Variants in NUDCD3 observed in about 807,000 individuals in gnomAD.
NUDCD3 encodes the protein NudC domain containing 3, also known as nudC domain-containing protein 3.
Under a neutral mutation model 39.7 loss-of-function variants are expected in NUDCD3, and 13 were observed. The ratio of observed to expected loss-of-function variants is 0.33; its 90% CI spans 0.21 to 0.52. NUDCD3 has a LOEUF of 0.52. NUDCD3 is among the 20% of genes least tolerant of loss of function. The probability of loss-of-function intolerance (pLI) is 0.96; values close to 1 mark genes in which losing one functional copy is unlikely to be tolerated. For synonymous variants in NUDCD3, 175 were observed against 172.4 expected (o/e 1.02, Z -0.12); for missense variants, 453 against 458.1 (o/e 0.99, Z 0.10).
intron 1 of NUDCD3, 66 bp downstream of exon 1, chr7:44,490,343 C>G: frequency 7.2e-7 from 1 of 1,392,120 alleles, no homozygotes. Context: ...CTTGGAGGAG[C>G]GGGCGCCAGG....
intron 2 of NUDCD3, among the ~76,000 whole-genome samples, chr7:44,465,770 A>G (rs763261705): frequency 1.5e-4 from 23 of 152,314 alleles, no homozygotes; most frequent in East Asian, 1.4e-3. Context: ...GAAGACCACC[A>G]AAGTTCTACT....
In NUDCD3 at chr7:44,433,354, C is replaced by T. The variant is rs73321650; in HGVS notation, c.510-5651G>A. On this transcript the variant is annotated intron_variant, in intron 2 of 5. Coordinates refer to ENST00000355451, the MANE Select transcript of NUDCD3 (RefSeq NM_015332.4). ...GTGCACTATATGTGTGTGTGGGGTACGTGTGTGCATACAATGTGTGTGTGC... is the reference window on the plus strand; with the variant it reads ...GTGCACTATATGTGTGTGTGGGGTATGTGTGTGCATACAATGTGTGTGTGC... 6.0e-3 allele frequency among the ~76,000 whole-genome samples: 918 copies of T among 152,018 alleles called. 4 individuals are homozygous for T. The highest frequency in any genetic ancestry group is 0.021 in the African/African-American group (863 of 41,432).
rs1035477928 is a variant in NUDCD3, at chr7:44,381,432, T to G, written c.*4579A>C. Reference sequence around the variant, plus strand: ...TGAGGAGGCTGCTCCAAGAAGCAAATAGGAGACAAGGAACCACTGGCCTGC... The same window carrying G: ...TGAGGAGGCTGCTCCAAGAAGCAAAGAGGAGACAAGGAACCACTGGCCTGC... On this transcript the variant is annotated 3_prime_UTR_variant, in exon 6 of 6. Coordinates refer to ENST00000355451, the MANE Select transcript of NUDCD3 (RefSeq NM_015332.4). 1 of 152,168 alleles carries G rather than the reference T, an allele frequency of 6.6e-6. No homozygotes were observed. The highest frequency in any genetic ancestry group is 1.5e-5 in the Non-Finnish European group (1 of 68,102). 9.4% of individuals were successfully genotyped at this position (152,168 alleles called of 1,614,324 possible). A position where few individuals can be genotyped will look rare whatever the true frequency, so the allele number is the denominator to read the frequency against.
intron 2 of NUDCD3, among the ~76,000 whole-genome samples, chr7:44,433,691 T>C (rs1277829051): frequency 1.3e-5 from 2 of 152,182 alleles, no homozygotes; most frequent in Admixed American, 1.3e-4. Context: ...CTGTCTCTTA[T>C]CAATTTTCTT....
intron 2 of NUDCD3, among the ~76,000 whole-genome samples, chr7:44,444,159 G>C (rs1199568309): frequency 6.6e-6 from 1 of 152,118 alleles, no homozygotes; most frequent in Non-Finnish European, 1.5e-5. Flanking sequence ...TGCAAGGAGG[G>C]CTACAGACTC....
At chr7:44,487,517 C>T (rs1319727503) in intron 1 of NUDCD3, among the ~76,000 whole-genome samples, 2 of 151,246 alleles carry the variant, frequency 1.3e-5, no homozygotes, top group South Asian at 2.1e-4. Flanking sequence ...CAGGAGATCA[C>T]CTACTACCAC....
At chr7:44,409,600 T>A (rs1798884988) in intron 3 of NUDCD3, among the ~76,000 whole-genome samples, 1 of 150,188 alleles carries the variant, frequency 6.7e-6, no homozygotes, top group Admixed American at 6.6e-5. Flanking sequence ...AACAACAAAG[T>A]ATGGCCCATA....
chr7:44,404,718 A>G lies in NUDCD3; in HGVS notation c.643-135T>C, dbSNP rs1340940820. The G allele has an allele frequency of 4.7e-6, 4 of 852,930 alleles. No homozygotes were observed. In the African/African-American group the frequency reaches 6.7e-5, roughly 14 times the overall value. The allele number at this position is 852,930 out of a possible 1,614,324, so 52.8% of individuals were successfully genotyped here. ...TGTCATCAGGCTCACCAGGCATCTC[A>G]GTGAAGAAAACCATACCAGCCTAAT... On this transcript the variant is annotated intron_variant, in intron 3 of 5. Transcript: ENST00000355451.
chr7:44,433,568 A>T lies in NUDCD3; in HGVS notation c.510-5865T>A, dbSNP rs527672388. Among the ~76,000 whole-genome samples, 24 of 152,260 alleles carry T rather than the reference A, an allele frequency of 1.6e-4. No individual in the cohort carries two copies. The East Asian group carries it at 4.4e-3, about 28-fold the overall frequency. On this transcript the variant is annotated intron_variant, in intron 2 of 5. Transcript: ENST00000355451. ...GTATGCATGTATGCACACAGTGTGC[A>T]TATGCGTGCATAAGGTATAGTATGG...
At chr7:44,458,477 T>C (rs1367497850) in intron 2 of NUDCD3, among the ~76,000 whole-genome samples, 2 of 152,184 alleles carry the variant, frequency 1.3e-5, no homozygotes, top group East Asian at 3.9e-4. Context: ...CTGACCAACA[T>C]GGTGAAACCC....
chr7:44,416,180 C>T (rs963144979), intron 3 of NUDCD3, among the ~76,000 whole-genome samples: 1 of 152,118 alleles, frequency 6.6e-6, no homozygotes, highest in African/African-American at 2.4e-5. Flanking sequence ...ACCTCCTGGG[C>T]TCAGGTAATC....
chr7:44,449,951 T>C (rs1019512551), intron 2 of NUDCD3, among the ~76,000 whole-genome samples: 9 of 151,494 alleles, frequency 5.9e-5, no homozygotes, highest in Middle Eastern at 3.2e-3. Context: ...ATCCAAAGAC[T>C]GGGAGAAAAT....
At chr7:44,455,659 TGTGA>T (rs1277372191) in intron 2 of NUDCD3, among the ~76,000 whole-genome samples, 1 of 152,278 alleles carries the variant, frequency 6.6e-6, no homozygotes, top group African/African-American at 2.4e-5. Context: ...TGCAGGTAAA[TGTGA>T]GTGTAAGAAC....
At chr7:44,427,865 G>T (rs1293950420) in intron 2 of NUDCD3, among the ~76,000 whole-genome samples, 162 bp from the exon 3 acceptor site, 4 of 152,014 alleles carry the variant, frequency 2.6e-5, no homozygotes, top group Non-Finnish European at 5.9e-5. Flanking sequence ...TTCTTTTCAG[G>T]TGATTTCCTT....
intron 4 of NUDCD3, among the ~76,000 whole-genome samples, 154 bp downstream of exon 4, chr7:44,404,286 G>A (rs755250960): frequency 6.6e-5 from 10 of 152,130 alleles, no homozygotes; most frequent in Non-Finnish European, 1.2e-4. Context: ...CGATCTCTGA[G>A]CAGTATGGAA....
intron 2 of NUDCD3, among the ~76,000 whole-genome samples, chr7:44,442,772 T>C (rs1218368436): frequency 1.3e-5 from 2 of 148,384 alleles, no homozygotes; most frequent in Non-Finnish European, 3.0e-5. Context: ...CGCGGCTCAC[T>C]GCAAGCTCCG....
At chr7:44,485,663 A>G (rs1369569507) in intron 1 of NUDCD3, 2 of 170,864 alleles carry the variant, frequency 1.2e-5, no homozygotes, top group African/African-American at 4.8e-5. Flanking sequence ...CTCACAAATG[A>G]AACATGAAAA....
chr7:44,489,901 G>A (rs930056551), intron 1 of NUDCD3: 6 of 152,504 alleles, frequency 3.9e-5, no homozygotes, highest in Admixed American at 3.9e-4. Context: ...ACTTAACCTG[G>A]AGGGTACGGA....
Position 44,425,755 on chromosome 7 carries a change from A to ACTTAG in NUDCD3, c.642+1815_642+1816insCTAAG, listed in dbSNP as rs1366789198. ...ATAGCAAGCACCTGAAGTCCCAGTT[A>ACTTAG]CTCAGGAGGCTAAGGTGGGAGAATA... On this transcript the variant is annotated intron_variant, in intron 3 of 5. Coordinates refer to ENST00000355451, the MANE Select transcript of NUDCD3 (RefSeq NM_015332.4). 6 of 152,170 alleles carry ACTTAG rather than the reference A, an allele frequency of 3.9e-5. 1 individual carries two copies. Among genetic ancestry groups the ACTTAG allele is most frequent in the Admixed American group, 3.3e-4 (5 of 15,280 alleles). The allele number at this position is 152,170 out of a possible 1,614,324, so 9.4% of individuals were successfully genotyped here. A position where few individuals can be genotyped will look rare whatever the true frequency, so the allele number is the denominator to read the frequency against.
Sources: allele counts gnomAD v4.1 joint callset (sites outside exome capture counted in the v4.1 genomes callset), GRCh38; gene constraint gnomAD v4.1.1; transcripts MANE v1.5; gene names NCBI Gene and HGNC (gene_info 2026-07-23, HGNC 2026-07-21).